Variants in SLC6A6 observed in about 807,000 individuals in gnomAD.
SLC6A6 encodes the protein sodium- and chloride-dependent taurine transporter.
In SLC6A6, 16 loss-of-function variants were observed where a neutral mutation model predicts 68.8. That is an observed-to-expected ratio of 0.23 (90% CI 0.16 to 0.35). The LOEUF (loss-of-function observed/expected upper bound fraction) is 0.35, where lower values mean the gene tolerates loss of function less well. Ranked by LOEUF, SLC6A6 falls within the 10% of genes least tolerant of loss-of-function variation. The pLI, the probability that SLC6A6 is intolerant of heterozygous loss-of-function variation, is 1.00. For synonymous variants in SLC6A6, 312 were observed against 315.4 expected (o/e 0.99, Z 0.12); for missense variants, 474 against 802.8 (o/e 0.59, Z 4.95).
chr3:14,469,866 C>T (rs1256362156), intron 9 of SLC6A6, among the ~76,000 whole-genome samples: 2 of 152,190 alleles, frequency 1.3e-5, no homozygotes, highest in Non-Finnish European at 2.9e-5. Flanking sequence ...CACACCTCTC[C>T]ACTGTCCCTG....
chr3:14,456,932 C>T (rs1017669454), intron 5 of SLC6A6, among the ~76,000 whole-genome samples: 13 of 152,338 alleles, frequency 8.5e-5, no homozygotes, highest in East Asian at 5.8e-4. Flanking sequence ...TGGGCAGGGC[C>T]GATGTCTCTG....
At chr3:14,408,540 G>A (rs1168109067) in intron 1 of SLC6A6, among the ~76,000 whole-genome samples, 1 of 151,994 alleles carries the variant, frequency 6.6e-6, no homozygotes, top group Admixed American at 6.6e-5. Context: ...TCACCATGTT[G>A]GCCAGGCTGG....
intron 2 of SLC6A6, among the ~76,000 whole-genome samples, chr3:14,423,353 G>C (rs1032925876): frequency 6.6e-6 from 1 of 152,190 alleles, no homozygotes; most frequent in Non-Finnish European, 1.5e-5. Context: ...AATGTTGTGA[G>C]ACAACATTCA....
intron 3 of SLC6A6, 117 bp downstream of exon 3, chr3:14,443,980 T>C (rs1337509161): frequency 4.3e-6 from 3 of 691,920 alleles, no homozygotes; most frequent in Admixed American, 2.3e-5. Context: ...CCCCCCCCCT[T>C]GACCTCCATG....
chr3:14,456,543 C>G (rs553631259), intron 5 of SLC6A6, among the ~76,000 whole-genome samples: 2 of 152,264 alleles, frequency 1.3e-5, no homozygotes, highest in South Asian at 4.1e-4. Flanking sequence ...TATTCAAAGT[C>G]CTTATGTTGA....
At position 14,402,764 on chromosome 3, in the gene SLC6A6, C is replaced by T. The variant is rs1212429987; in HGVS notation, c.-137C>T. On this transcript the variant is annotated 5_prime_UTR_variant, in exon 1 of 15. Coordinates refer to ENST00000622186, the MANE Select transcript of SLC6A6 (RefSeq NM_003043.6). This position sits in a 1 kb window ranked among gnomAD's most constrained non-coding sequence, Gnocchi z 4.8. ...AGTGCGGAGCGTTCACCCAGCGGGT[C>T]AGAGAGCGAGCGGGCAGGCAGCCCC... The T allele has an allele frequency of 3.5e-5, 14 of 398,074 alleles. No individual in the cohort carries two copies. The East Asian group carries it at 4.6e-4, about 13-fold the overall frequency. 24.7% of individuals were successfully genotyped at this position (398,074 alleles called of 1,614,324 possible). A position where few individuals can be genotyped will look rare whatever the true frequency, so the allele number is the denominator to read the frequency against.
Position 14,477,489 on chromosome 3 carries a change from C to G in SLC6A6, c.1347+147C>G, listed in dbSNP as rs903337185. 3.1e-5 allele frequency: 24 copies of G among 781,332 alleles called. No homozygotes were observed. Among genetic ancestry groups the G allele is most frequent in the African/African-American group, 6.9e-5 (4 of 58,078 alleles). 48.4% of individuals were successfully genotyped at this position (781,332 alleles called of 1,614,324 possible). On this transcript the variant is annotated intron_variant, in intron 11 of 14. Coordinates refer to ENST00000622186, the MANE Select transcript of SLC6A6 (RefSeq NM_003043.6). The surrounding 1 kb of genome is among the most constrained non-coding windows in gnomAD (Gnocchi z 4.2). ...TTCAGGGGTCCTGCTTGGACCAACA[C>G]TGGGGGTAGCACGAGGGGGCTCAGG...
In SLC6A6 at chr3:14,488,291, A is replaced by G. The variant is rs1298534916; in HGVS notation, c.*3284A>G. 3 of 152,488 alleles carry G rather than the reference A, an allele frequency of 2.0e-5. No individual in the cohort carries two copies. Among genetic ancestry groups the G allele is most frequent in the African/African-American group, 7.3e-5 (3 of 41,358 alleles). 9.4% of individuals were successfully genotyped at this position (152,488 alleles called of 1,614,324 possible). On this transcript the variant is annotated 3_prime_UTR_variant, in exon 15 of 15. Coordinates refer to ENST00000622186, the MANE Select transcript of SLC6A6 (RefSeq NM_003043.6). ...CCCCTGGGCCATGTGCAGCTCCTTC[A>G]CTGCCCCCTGGATCCCCAGCATACC...
In SLC6A6 at chr3:14,410,508, C is replaced by T. The variant is rs908299823; in HGVS notation, c.-53-5904C>T. 2.0e-5 allele frequency among the ~76,000 whole-genome samples: 3 copies of T among 152,182 alleles called. No homozygotes were observed. The South Asian group carries it at 6.2e-4, about 32-fold the overall frequency. ...GAAGGAGCGTGGTGAGCAGCTCTGGCCACTGCATGGAATAGAACGTGGAAG... is the reference window on the plus strand; with the variant it reads ...GAAGGAGCGTGGTGAGCAGCTCTGGTCACTGCATGGAATAGAACGTGGAAG... On this transcript the variant is annotated intron_variant, in intron 1 of 14. Transcript: ENST00000622186.
At chr3:14,433,860 T>C (rs1699790919) in intron 2 of SLC6A6, among the ~76,000 whole-genome samples, 1 of 139,772 alleles carries the variant, frequency 7.2e-6, no homozygotes, top group South Asian at 2.3e-4. Flanking sequence ...AAACCCAACA[T>C]GGGCCCTTAA....
chr3:14,439,079 T>C (rs1699924286), intron 2 of SLC6A6, among the ~76,000 whole-genome samples: 1 of 152,156 alleles, frequency 6.6e-6, no homozygotes, highest in Admixed American at 6.5e-5. Context: ...GAGCAAGATA[T>C]AGGGGTCCCC....
intron 1 of SLC6A6, among the ~76,000 whole-genome samples, chr3:14,405,672 G>A (rs547243242): frequency 3.5e-4 from 53 of 152,222 alleles, no homozygotes; most frequent in Non-Finnish European, 5.6e-4. Context: ...TGGCCAGAGC[G>A]TTCGTTTGAA....
At chr3:14,455,867 C>G (rs537130632) in intron 5 of SLC6A6, among the ~76,000 whole-genome samples, 107 of 152,370 alleles carry the variant, frequency 7.0e-4, no homozygotes, top group African/African-American at 2.5e-3. Flanking sequence ...TAGGGATGCC[C>G]CCTGCCCCAA....
chr3:14,446,780 G>C (rs183932372), intron 4 of SLC6A6, among the ~76,000 whole-genome samples: 1 of 152,350 alleles, frequency 6.6e-6, no homozygotes, highest in Admixed American at 6.5e-5. Context: ...TAGCCACGTA[G>C]AATGCTTTGT....
At position 14,477,409 on chromosome 3, in the gene SLC6A6, G is replaced by T. The variant is rs1700903962; in HGVS notation, c.1347+67G>T. On this transcript the variant is annotated intron_variant, in intron 11 of 14. Coordinates refer to ENST00000622186, the MANE Select transcript of SLC6A6 (RefSeq NM_003043.6). This position sits in a 1 kb window ranked among gnomAD's most constrained non-coding sequence, Gnocchi z 4.2. The stretch of plus-strand genomic sequence containing the variant: ...GTGCCCTCCTCAAGGCCATAGTGGA[G>T]GCAGCAGCTGGGTGAGAGGGCCAGG... The T allele has an allele frequency of 2.6e-6, 4 of 1,531,858 alleles. No homozygotes were observed. The African/African-American group carries it at 4.1e-5, about 16-fold the overall frequency. The allele number at this position is 1,531,858 out of a possible 1,614,324, so 94.9% of individuals were successfully genotyped here.
rs575404692 is a variant in SLC6A6, at chr3:14,481,538, G to A, written c.1552-133G>A. The A allele has an allele frequency of 4.5e-4, 289 of 641,648 alleles. 3 individuals are homozygous for A. The highest frequency in any genetic ancestry group is 2.7e-3 in the African/African-American group (146 of 54,728). The allele number at this position is 641,648 out of a possible 1,614,324, so 39.7% of individuals were successfully genotyped here. ...GGGGATCCTTATGGCAGCAGAGAGG[G>A]GTGTGAGTTCTGAGCCAGTCCTTTC... On this transcript the variant is annotated intron_variant, in intron 13 of 14. Transcript: ENST00000622186. The surrounding 1 kb of genome is among the most constrained non-coding windows in gnomAD (Gnocchi z 4.7).
chr3:14,458,130 G>A, intron 6 of SLC6A6, 48 bp downstream of exon 6: 2 of 1,586,140 alleles, frequency 1.3e-6, no homozygotes, highest in Non-Finnish European at 1.7e-6. Flanking sequence ...AGCTGTGCCA[G>A]GCTGGCCCTC....
chr3:14,430,363 C>G (rs1462158641), intron 2 of SLC6A6, among the ~76,000 whole-genome samples: 1 of 152,024 alleles, frequency 6.6e-6, no homozygotes, highest in Non-Finnish European at 1.5e-5. Context: ...TTGGTGTGGC[C>G]TCTTGGGCCA....
rs187771841 is a variant in SLC6A6, at chr3:14,470,484, C to T, written c.1097-1721C>T. Among the ~76,000 whole-genome samples the T allele has an allele frequency of 6.4e-4, 98 of 152,280 alleles. No homozygotes were observed. In the East Asian group the frequency reaches 0.013, roughly 21 times the overall value. ...CCTGGACTTCTCTCTCTTGAGTTCA[C>T]CATGCACTTTTAGAGAAAGACGCTC... is the stretch of plus-strand genomic sequence containing the variant. On this transcript the variant is annotated intron_variant, in intron 9 of 14. Transcript: ENST00000622186.
Sources: allele counts gnomAD v4.1 joint callset (sites outside exome capture counted in the v4.1 genomes callset), GRCh38; gene constraint gnomAD v4.1.1; non-coding constraint Gnocchi (gnomAD v3.1); transcripts MANE v1.5; gene names NCBI Gene and HGNC (gene_info 2026-07-23, HGNC 2026-07-21).